The following TRIT1 variants were observed in gnomAD, a reference collection of about 807,000 sequenced individuals.
The protein encoded by TRIT1 is tRNA dimethylallyltransferase.
In TRIT1, 43 loss-of-function variants were observed where a neutral mutation model predicts 51.2. That is an observed-to-expected ratio of 0.84 (90% CI 0.66 to 1.08). TRIT1 has a LOEUF of 1.08. Ranked by LOEUF, TRIT1 falls within the 50% of genes least tolerant of loss-of-function variation. The pLI is 0.00. For synonymous variants in TRIT1, 184 were observed against 203.9 expected, an observed-to-expected ratio of 0.90 and a Z score of 0.83; for missense variants, 528 against 578.4, an observed-to-expected ratio of 0.91 and a Z score of 0.89.
chr1:39,868,013 C>G (rs533906991), intron 1 of TRIT1, among the ~76,000 whole-genome samples: 1 of 151,190 alleles, frequency 6.6e-6, no homozygotes, highest in South Asian at 2.1e-4. Context: ...GACTCCATCT[C>G]GGCTCACTGC....
chr1:39,838,129 AC>A lies in TRIT1; in HGVS notation c.*3614del, dbSNP rs1400853802. Among the ~76,000 whole-genome samples the A allele has an allele frequency of 6.6e-6, 1 of 152,192 alleles. No homozygotes were observed. The highest frequency in any genetic ancestry group is 6.5e-5 in the Admixed American group (1 of 15,284). ...CTTTGTTATAGCAACTTAGCCTTTT[AC>A]CTGAACTAATACAAACATGCAGCTT... On this transcript the variant is annotated 3_prime_UTR_variant, in exon 11 of 11. Coordinates refer to ENST00000316891, the MANE Select transcript of TRIT1 (RefSeq NM_017646.6).
intron 1 of TRIT1, among the ~76,000 whole-genome samples, chr1:39,870,925 A>G (rs1374772702): frequency 6.6e-6 from 1 of 152,132 alleles, no homozygotes. Context: ...CAGGCGCGGT[A>G]GCTCACGCCT....
chr1:39,876,525 T>C (rs904799088), intron 1 of TRIT1, among the ~76,000 whole-genome samples: 5 of 136,014 alleles, frequency 3.7e-5, no homozygotes, highest in African/African-American at 6.3e-5. Context: ...ATTATTTATA[T>C]GTGTATCTAT....
At position 39,841,807 on chromosome 1, in the gene TRIT1, G is replaced by C. The variant is rs368380890; in HGVS notation, c.1341C>G (p.Asn447Lys). ...GGGATCCCTTCTCTTTAGGTTCTTT[G>C]TTATGGTCTGGGGAAACACTCTGAC... ...IESQSVSPDHNKEPKEKGSPG... is the reference protein window; with the variant it reads ...IESQSVSPDHKKEPKEKGSPG... The change falls in exon 11 of 11, where the codon AAC becomes AAG. Residue 447 changes from asparagine (N) to lysine (K), a missense_variant. Asn to Lys is a moderately conservative substitution (Grantham distance 94). This residue lies in a region of TRIT1 where 468 missense variants were observed against 522.6 expected (regional missense o/e 0.90). Coordinates refer to ENST00000316891, the MANE Select transcript of TRIT1 (RefSeq NM_017646.6). 1.2e-5 allele frequency: 20 copies of C among 1,613,920 alleles called. No homozygotes were observed. The highest frequency in any genetic ancestry group is 1.7e-5 in the Non-Finnish European group (20 of 1,179,984).
chr1:39,882,500 C>A (rs1222873091), intron 1 of TRIT1, among the ~76,000 whole-genome samples: 1 of 152,236 alleles, frequency 6.6e-6, no homozygotes, highest in East Asian at 1.9e-4. Context: ...TCACCCACTA[C>A]CCACTCTTAA....
At chr1:39,867,964 A>G (rs1274651804) in intron 1 of TRIT1, among the ~76,000 whole-genome samples, 9 of 149,794 alleles carry the variant, frequency 6.0e-5, no homozygotes, top group Non-Finnish European at 1.0e-4. Flanking sequence ...TTTTTTTTCG[A>G]GATGGAGTCT....
chr1:39,857,269 A>G lies in TRIT1; in HGVS notation c.315+8T>C, dbSNP rs1180997911. On this transcript the variant is annotated splice_region_variant and intron_variant, in intron 2 of 10. Transcript: ENST00000316891. ...ACCAAACCCAGCTGCTGCCTTTCCT[A>G]AGGATATCAGAGCAGTTGCTCTATT... 1.9e-6 allele frequency: 3 copies of G among 1,602,390 alleles called. No individual in the cohort carries two copies. The highest frequency in any genetic ancestry group is 2.6e-6 in the Non-Finnish European group (3 of 1,173,178).
chr1:39,879,840 C>A (rs55752496), intron 1 of TRIT1, among the ~76,000 whole-genome samples: 10,797 of 142,664 alleles, frequency 0.076, 565 homozygotes, highest in South Asian at 0.11. Context: ...TCATTGCACT[C>A]CAGCCTGGGC....
rs1557525004 is a variant in TRIT1 at position 39,841,942 on chromosome 1, C to A, written c.1235-29G>T. ...ATAAGACAAAATCAAACCAAACAAA[C>A]AAAAAAACTCATTAGGAATTTTCTA... On this transcript the variant is annotated intron_variant, in intron 10 of 10. Transcript: ENST00000316891. The A allele has an allele frequency of 4.4e-6, 7 of 1,573,856 alleles. No individual in the cohort carries two copies. In the Admixed American group the frequency reaches 6.1e-5, roughly 14 times the overall value.
intron 8 of TRIT1, among the ~76,000 whole-genome samples, chr1:39,845,820 G>T (rs138346071): frequency 1.3e-5 from 2 of 152,156 alleles, no homozygotes; most frequent in East Asian, 3.9e-4. Context: ...GACCAGCCCT[G>T]GCCAATCACG....
chr1:39,848,443 A>G (rs372621077), intron 5 of TRIT1, among the ~76,000 whole-genome samples: 2 of 151,820 alleles, frequency 1.3e-5, no homozygotes, highest in South Asian at 2.1e-4. Context: ...TTAATTTAAT[A>G]TGTCATTATA....
Position 39,852,790 on chromosome 1 carries a change from G to C in TRIT1, c.501C>G (p.Ser167Arg). 2 of 1,614,168 alleles carry C rather than the reference G, an allele frequency of 1.2e-6. No homozygotes were observed. The highest frequency in any genetic ancestry group is 4.5e-5 in the East Asian group (2 of 44,890). The stretch of plus-strand genomic sequence containing the variant: ...TGGCAGCCATTTCTGGGTCCACCTG[G>C]CTTAGGCGTTTGTGAAGTACAAGAC... ...EDGLVLHKRL[S>R]QVDPEMAAKL... is the part of the protein sequence containing the mutation. Residue 167 changes from serine (S) to arginine (R), a missense_variant, in exon 4 of 11, where the codon AGC (serine) becomes AGG (arginine). Physicochemically the swap from Ser to Arg is moderately radical, Grantham distance 110. This residue lies in a region of TRIT1 where 468 missense variants were observed against 522.6 expected (regional missense o/e 0.90). Coordinates refer to ENST00000316891, the MANE Select transcript of TRIT1 (RefSeq NM_017646.6).
chr1:39,874,840 G>C (rs1467828542), intron 1 of TRIT1, among the ~76,000 whole-genome samples: 1 of 151,654 alleles, frequency 6.6e-6, no homozygotes, highest in Non-Finnish European at 1.5e-5. Context: ...TAATTTTTTT[G>C]TATTTTTAGT....
intron 9 of TRIT1, 117 bp from the exon 10 acceptor site, chr1:39,844,335 G>T: frequency 1.1e-6 from 1 of 925,032 alleles, no homozygotes; most frequent in Non-Finnish European, 1.7e-6. Flanking sequence ...GAGCAGATGG[G>T]CTGTATACAG....
At chr1:39,869,594 C>T (rs1161744124) in intron 1 of TRIT1, among the ~76,000 whole-genome samples, 1 of 151,884 alleles carries the variant, frequency 6.6e-6, no homozygotes, top group African/African-American at 2.4e-5. Context: ...CCCCTCTGCC[C>T]GGCCGCCCAG....
intron 8 of TRIT1, among the ~76,000 whole-genome samples, chr1:39,845,290 G>A (rs1359920371): frequency 6.6e-6 from 1 of 152,178 alleles, no homozygotes; most frequent in Non-Finnish European, 1.5e-5. Flanking sequence ...TGAGACTGAA[G>A]GTAGCAAAGA....
At chr1:39,860,896 G>A (rs962194817) in intron 1 of TRIT1, among the ~76,000 whole-genome samples, 5 of 152,112 alleles carry the variant, frequency 3.3e-5, no homozygotes, top group African/African-American at 1.2e-4. Flanking sequence ...TGACCAACAT[G>A]GTGAAACCCC....
chr1:39,875,615 C>T (rs1371449152), intron 1 of TRIT1, among the ~76,000 whole-genome samples: 2 of 152,136 alleles, frequency 1.3e-5, no homozygotes, highest in African/African-American at 2.4e-5. Context: ...ACCACTGTCC[C>T]TCAAGTACCC....
chr1:39,850,576 G>A (rs1642503778), intron 4 of TRIT1, among the ~76,000 whole-genome samples: 1 of 152,186 alleles, frequency 6.6e-6, no homozygotes, highest in Non-Finnish European at 1.5e-5. Context: ...GGTTACTCCA[G>A]TCCTACAGCT....
Sources: gnomAD v4.1 joint callset for allele counts (sites outside exome capture counted in the v4.1 genomes callset) on GRCh38, gnomAD v4.1.1 for gene constraint, gnomAD v4.1.1 regional missense constraint, MANE v1.5 for transcripts, NCBI Gene and HGNC (gene_info 2026-07-23, HGNC 2026-07-21) for gene names.